The following SH3BP5 variants were observed in gnomAD, a reference collection of about 807,000 sequenced individuals.
The protein encoded by SH3BP5 is SH3 domain-binding protein 5.
Under a neutral mutation model 43.3 loss-of-function variants are expected in SH3BP5, and 22 were observed. The ratio of observed to expected loss-of-function variants is 0.51; its 90% CI spans 0.36 to 0.73. The LOEUF (loss-of-function observed/expected upper bound fraction) is 0.73. Among genes scored for constraint, SH3BP5 ranks in the 30% least tolerant of loss-of-function variants. The pLI, the probability that SH3BP5 is intolerant of heterozygous loss-of-function variation, is 0.00. For missense variants in SH3BP5, 529 were observed against 586.9 expected (o/e 0.90, Z 1.02); for synonymous variants, 255 against 225.8 (o/e 1.13, Z -1.16).
chr3:15,257,162 A>C, intron 7 of SH3BP5, 49 bp from the exon 8 acceptor site: 1 of 1,585,576 alleles, frequency 6.3e-7, no homozygotes, highest in South Asian at 1.1e-5. Flanking sequence ...ACCTCCTCAA[A>C]CACCACAAGT....
intron 3 of SH3BP5, among the ~76,000 whole-genome samples, chr3:15,271,448 G>C (rs111788396): frequency 1.9e-4 from 29 of 152,224 alleles, no homozygotes; most frequent in African/African-American, 7.0e-4. Context: ...GGGAGGCTGA[G>C]GCAGGTGGAT....
At chr3:15,330,817 C>T in intron 1 of SH3BP5, 1 of 895,280 alleles carries the variant, frequency 1.1e-6, no homozygotes, top group South Asian at 5.1e-5. Flanking sequence ...TGTCAGAGGT[C>T]AACTATTCCA....
intron 3 of SH3BP5, among the ~76,000 whole-genome samples, chr3:15,284,740 T>C (rs1211215103): frequency 6.6e-6 from 1 of 152,218 alleles, no homozygotes; most frequent in Non-Finnish European, 1.5e-5. Context: ...ACACCCACTC[T>C]AGACAAAGTG....
chr3:15,314,671 G>A (rs1375996377), intron 2 of SH3BP5, among the ~76,000 whole-genome samples: 2 of 152,216 alleles, frequency 1.3e-5, no homozygotes, highest in Non-Finnish European at 2.9e-5. Context: ...AGCAGTTTGT[G>A]TCATCCAACT....
chr3:15,320,605 AACACACACACACACACACAC>A (rs376414934), intron 2 of SH3BP5, among the ~76,000 whole-genome samples: 1 of 126,858 alleles, frequency 7.9e-6, no homozygotes, highest in African/African-American at 3.0e-5. Flanking sequence ...ATCCAGCCAA[AACACACACACACACACACAC>A]ACACACACAC....
intron 3 of SH3BP5, among the ~76,000 whole-genome samples, chr3:15,275,313 C>G (rs930991705): frequency 6.6e-6 from 1 of 152,242 alleles, no homozygotes; most frequent in Non-Finnish European, 1.5e-5. Flanking sequence ...TCACAAAACA[C>G]AGGACTTCCA....
upstream of SH3BP5, among the ~76,000 whole-genome samples, chr3:15,333,977 G>A (rs1327645868): frequency 6.6e-6 from 1 of 152,186 alleles, no homozygotes; most frequent in Non-Finnish European, 1.5e-5. Flanking sequence ...CTTCTCTGGT[G>A]GCTTGGAATT....
At chr3:15,336,067 G>A (rs148898729), upstream of SH3BP5, among the ~76,000 whole-genome samples, 316 of 152,316 alleles carry the variant, frequency 2.1e-3, 2 homozygotes, top group African/African-American at 7.2e-3. Flanking sequence ...CCAGGAGGCA[G>A]AGGTTGTAGT....
intron 2 of SH3BP5, among the ~76,000 whole-genome samples, chr3:15,322,765 T>C (rs1698361512): frequency 6.6e-6 from 1 of 151,300 alleles, no homozygotes; most frequent in Non-Finnish European, 1.5e-5. Flanking sequence ...AGCCCAGGAG[T>C]TCGAGGCTCC....
intron 2 of SH3BP5, among the ~76,000 whole-genome samples, chr3:15,330,243 C>T (rs1433037094): frequency 6.6e-6 from 1 of 152,208 alleles, no homozygotes; most frequent in South Asian, 2.1e-4. Context: ...GGGGCTTAAG[C>T]GTTGTGTAAC....
At position 15,332,367 on chromosome 3, in the gene SH3BP5, G is replaced by A. The variant is rs367875443; in HGVS notation, c.42C>T (p.Ala14=). The stretch of plus-strand genomic sequence containing the variant: ...CGTCCCGGGCAGGCGGCAGGATTTC[G>A]GCTGGCTCCTCCGAGCGGCTCCGCT... ...ALKRSRSEEP[A]EILPPARDEE... Residue 14 remains alanine, a synonymous_variant, in exon 1 of 9, where the codon GCC becomes GCT. Coordinates refer to ENST00000383791, the MANE Select transcript of SH3BP5 (RefSeq NM_004844.5). 2.6e-6 allele frequency: 4 copies of A among 1,540,086 alleles called. No individual in the cohort carries two copies. Among genetic ancestry groups the A allele is most frequent in the African/African-American group, 2.7e-5 (2 of 73,114 alleles).
intron 2 of SH3BP5, among the ~76,000 whole-genome samples, chr3:15,326,089 G>A (rs60671955): frequency 6.6e-6 from 1 of 152,098 alleles, no homozygotes; most frequent in Non-Finnish European, 1.5e-5. Flanking sequence ...TAAAACATCA[G>A]GCTTATATCC....
At position 15,273,479 on chromosome 3, in the gene SH3BP5, G is replaced by A. The variant is rs568437124; in HGVS notation, c.331-3602C>T. The A allele has an allele frequency of 6.9e-5, 59 of 859,172 alleles. 2 individuals are homozygous for A. In the South Asian group the frequency reaches 1.3e-3, roughly 19 times the overall value. 53.2% of individuals were successfully genotyped at this position (859,172 alleles called of 1,614,324 possible). A position where few individuals can be genotyped will look rare whatever the true frequency, so the allele number is the denominator to read the frequency against. The stretch of plus-strand genomic sequence containing the variant: ...ATGTGCTGTCAAATTCCGGACAAGC[G>A]TCTGAAGTTTCTGCGAGATTCCTTC... On this transcript the variant is annotated intron_variant, in intron 3 of 8. Coordinates refer to ENST00000383791, the MANE Select transcript of SH3BP5 (RefSeq NM_004844.5).
intron 2 of SH3BP5, among the ~76,000 whole-genome samples, chr3:15,327,793 A>T (rs546290181): frequency 2.6e-4 from 39 of 152,334 alleles, no homozygotes; most frequent in African/African-American, 8.7e-4. Context: ...AACACCTATT[A>T]AACCTATGCC....
Position 15,262,685 on chromosome 3 carries a change from C to T in SH3BP5, c.496-396G>A, listed in dbSNP as rs145181509. ...ATAAAAATACTCTTTGGGCCAGGCA[C>T]GGTGGCTCACACCTGTAATCACAGT... On this transcript the variant is annotated intron_variant, in intron 4 of 8. Transcript: ENST00000383791. Among the ~76,000 whole-genome samples, 48 of 151,814 alleles carry T rather than the reference C, an allele frequency of 3.2e-4. No homozygotes were observed. In the East Asian group the frequency reaches 8.4e-3, roughly 27 times the overall value.
chr3:15,261,657 T>C (rs1696442666), intron 5 of SH3BP5, among the ~76,000 whole-genome samples: 1 of 151,390 alleles, frequency 6.6e-6, no homozygotes, highest in South Asian at 2.1e-4. Context: ...CCATTATCAA[T>C]GTTGTATAAA....
At position 15,256,906 on chromosome 3, in the gene SH3BP5, C is replaced by G. The variant is rs998871297; in HGVS notation, c.1097G>C (p.Gly366Ala). 5 of 1,613,950 alleles carry G rather than the reference C, an allele frequency of 3.1e-6. No individual in the cohort carries two copies. Among genetic ancestry groups the G allele is most frequent in the Non-Finnish European group, 4.2e-6 (5 of 1,179,964 alleles). The change falls in exon 8 of 9, where the codon GGC (glycine) becomes GCC (alanine). Residue 366 changes from glycine (G) to alanine (A), a missense_variant. Around this residue, in one of 3 missense-constraint regions of SH3BP5, gnomAD observed 369 missense variants for 384.3 expected, o/e 0.96. Transcript: ENST00000383791. The part of the protein sequence containing the change: ...SEFGMMFPVL[G>A]PRSECSGASS... ...GGCCCCGCTGCATTCACTTCGAGGGCCCAACACTGGGAACATCATCCCAAA... is the reference window on the plus strand; with the variant it reads ...GGCCCCGCTGCATTCACTTCGAGGGGCCAACACTGGGAACATCATCCCAAA...
intron 3 of SH3BP5, among the ~76,000 whole-genome samples, chr3:15,272,368 G>T (rs75963806): frequency 0.022 from 3,394 of 152,302 alleles, 128 homozygotes; most frequent in African/African-American, 0.077. Context: ...ACAGCAGGAA[G>T]GGAGGAATGG....
intron 3 of SH3BP5, among the ~76,000 whole-genome samples, chr3:15,277,400 C>A (rs1047528121): frequency 4.6e-5 from 7 of 152,160 alleles, no homozygotes; most frequent in African/African-American, 1.7e-4. Context: ...TCACACAGGT[C>A]GGGATGGGCA....
Sources: allele counts gnomAD v4.1 joint callset (sites outside exome capture counted in the v4.1 genomes callset), GRCh38; gene constraint gnomAD v4.1.1; regional missense constraint gnomAD v4.1.1; transcripts MANE v1.5; gene names NCBI Gene and HGNC (gene_info 2026-07-23, HGNC 2026-07-21).